The following GPLD1 variants were observed in gnomAD, a reference collection of about 807,000 sequenced individuals.
The protein encoded by GPLD1 is glycosylphosphatidylinositol specific phospholipase D1.
GPLD1 carries 84 observed loss-of-function variants against 112.6 expected under a neutral mutation model. The observed-to-expected ratio is 0.75, with a 90% CI of 0.63 to 0.89. The LOEUF is 0.89. GPLD1 is among the 40% of genes least tolerant of loss of function. The pLI, the probability that GPLD1 is intolerant of heterozygous loss-of-function variation, is 0.00. For missense variants in GPLD1, 1,044 were observed against 1,051.5 expected, an observed-to-expected ratio of 0.99 and a Z score of 0.10; for synonymous variants, 386 against 403.8, an observed-to-expected ratio of 0.96 and a Z score of 0.53.
At chr6:24,477,093 TA>T (rs1212518177) in intron 3 of GPLD1, among the ~76,000 whole-genome samples, 1 of 151,736 alleles carries the variant, frequency 6.6e-6, no homozygotes, top group Admixed American at 6.6e-5. Flanking sequence ...TTCCTAGAGA[TA>T]AAGCTTTAAA....
intron 5 of GPLD1, 72 bp downstream of exon 5, chr6:24,475,049 C>G: frequency 1.3e-6 from 1 of 787,674 alleles, no homozygotes. Context: ...TCTTTTAAAA[C>G]GGTCAGGTTT....
upstream of GPLD1, among the ~76,000 whole-genome samples, chr6:24,492,686 C>T (rs80323098): frequency 2.2e-3 from 340 of 152,030 alleles, 1 homozygote; most frequent in African/African-American, 7.6e-3. Flanking sequence ...TAAGGACAGA[C>T]ACCCAGCCAG....
intron 3 of GPLD1, 94 bp downstream of exon 3, chr6:24,479,787 A>T (rs1764140010): frequency 7.5e-6 from 5 of 665,012 alleles, no homozygotes; most frequent in Non-Finnish European, 1.3e-5. Flanking sequence ...TTAAAAATAT[A>T]TTGTACACAC....
At chr6:24,480,053 T>C in intron 2 of GPLD1, 94 bp from the exon 3 acceptor site, 3 of 760,504 alleles carry the variant, frequency 3.9e-6, no homozygotes, top group East Asian at 2.4e-5. Context: ...ATGCTAGAAA[T>C]ATGGGGGTAT....
chr6:24,489,601 C>T (rs564989711), upstream of GPLD1: 90 of 1,581,198 alleles, frequency 5.7e-5, no homozygotes, highest in African/African-American at 6.5e-4. Context: ...GCAGACCCAC[C>T]GCTTCTCTCT....
chr6:24,444,654 C>G (rs1762850008), intron 20 of GPLD1, among the ~76,000 whole-genome samples: 1 of 151,942 alleles, frequency 6.6e-6, no homozygotes. Context: ...AGTTAGAGAC[C>G]AGTCTGGCCA....
intron 20 of GPLD1, among the ~76,000 whole-genome samples, chr6:24,439,522 G>A (rs1219432914): frequency 6.6e-6 from 1 of 152,142 alleles, no homozygotes; most frequent in Admixed American, 6.5e-5. Flanking sequence ...AAGAAGAGAA[G>A]CATATAATTT....
chr6:24,436,067 G>A (rs998179454), intron 22 of GPLD1, among the ~76,000 whole-genome samples: 3 of 151,912 alleles, frequency 2.0e-5, no homozygotes, highest in Admixed American at 6.6e-5. Context: ...ACCAGCCTGG[G>A]CAACATAGTG....
At chr6:24,493,061 G>C (rs1258336556), upstream of GPLD1, among the ~76,000 whole-genome samples, 1 of 152,150 alleles carries the variant, frequency 6.6e-6, no homozygotes, top group Admixed American at 6.5e-5. Context: ...ATCTGGGAAA[G>C]GGAGTGGGTA....
intron 20 of GPLD1, among the ~76,000 whole-genome samples, chr6:24,439,307 G>T (rs1205981967): frequency 7.0e-6 from 1 of 143,412 alleles, no homozygotes; most frequent in African/African-American, 2.5e-5. Flanking sequence ...AGCTTTCGGA[G>T]CAAGAATTAG....
At chr6:24,478,761 C>G (rs200752116) in intron 3 of GPLD1, among the ~76,000 whole-genome samples, 53 of 124,150 alleles carry the variant, frequency 4.3e-4, no homozygotes, top group Non-Finnish European at 8.0e-4. Context: ...TCATGCAGCT[C>G]TCTCTCTCCA....
In GPLD1 at chr6:24,428,977, T is replaced by G. The variant is rs370173689; in HGVS notation, c.*55A>C. On this transcript the variant is annotated 3_prime_UTR_variant, in exon 25 of 25. Coordinates refer to ENST00000230036, the MANE Select transcript of GPLD1 (RefSeq NM_001503.4). The stretch of plus-strand genomic sequence containing the variant: ...ACTTTGTCCATCAAAATGCTCACCA[T>G]GGATGTGATTCAGCATGAGAGAGGT... 3.6e-5 allele frequency: 45 copies of G among 1,233,542 alleles called. No individual in the cohort carries two copies. The East Asian group carries it at 9.2e-4, about 25-fold the overall frequency. The allele number at this position is 1,233,542 out of a possible 1,614,324, so 76.4% of individuals were successfully genotyped here.
At chr6:24,454,514 G>C (rs1222933567) in intron 13 of GPLD1, among the ~76,000 whole-genome samples, 2 of 152,226 alleles carry the variant, frequency 1.3e-5, no homozygotes, top group African/African-American at 4.8e-5. Flanking sequence ...GCTTGCCTGA[G>C]AGTAGAGAGG....
intron 15 of GPLD1, 45 bp from the exon 16 acceptor site, chr6:24,448,253 A>C (rs1308364012): frequency 2.4e-6 from 3 of 1,271,934 alleles, no homozygotes; most frequent in Admixed American, 3.5e-5. Context: ...TCTGGTGGTG[A>C]CCCAAGAACC....
chr6:24,431,609 A>G (rs1762406976), intron 24 of GPLD1, among the ~76,000 whole-genome samples: 1 of 149,408 alleles, frequency 6.7e-6, no homozygotes, highest in African/African-American at 2.5e-5. Context: ...ATCTAGGCTC[A>G]CGGCAACCTC....
At chr6:24,480,560 C>G (rs1453708106) in intron 2 of GPLD1, among the ~76,000 whole-genome samples, 1 of 152,064 alleles carries the variant, frequency 6.6e-6, no homozygotes, top group African/African-American at 2.4e-5. Flanking sequence ...AACGCACGTA[C>G]GCACGCACAC....
chr6:24,487,309 C>A (rs1168715237), intron 1 of GPLD1, among the ~76,000 whole-genome samples: 1 of 152,072 alleles, frequency 6.6e-6, no homozygotes, highest in Non-Finnish European at 1.5e-5. Flanking sequence ...TTTATAAAAT[C>A]ATCTAATTTA....
At chr6:24,458,176 G>A (rs150622220) in intron 12 of GPLD1, among the ~76,000 whole-genome samples, 118 of 151,936 alleles carry the variant, frequency 7.8e-4, no homozygotes, top group African/African-American at 2.7e-3. Context: ...TCCTAGGTCT[G>A]CTCCAAAGCA....
intron 20 of GPLD1, among the ~76,000 whole-genome samples, chr6:24,442,045 A>G (rs1047954260): frequency 3.4e-5 from 5 of 148,638 alleles, no homozygotes; most frequent in African/African-American, 1.2e-4. Context: ...TATATTATAT[A>G]TTAGTATACT....
Sources: allele counts gnomAD v4.1 joint callset (sites outside exome capture counted in the v4.1 genomes callset), GRCh38; gene constraint gnomAD v4.1.1; transcripts MANE v1.5; gene names NCBI Gene and HGNC (gene_info 2026-07-23, HGNC 2026-07-21).